Variants in NTNG1 observed in about 807,000 individuals in gnomAD.
The protein encoded by NTNG1 is netrin G1.
NTNG1 carries 16 observed loss-of-function variants against 54.0 expected under a neutral mutation model. That is an observed-to-expected ratio of 0.30 (90% CI 0.20 to 0.45). The LOEUF (loss-of-function observed/expected upper bound fraction) is 0.45. Among genes scored for constraint, NTNG1 ranks in the 20% least tolerant of loss-of-function variants. The probability of loss-of-function intolerance (pLI) is 1.00; values close to 1 mark genes in which losing one functional copy is unlikely to be tolerated. For synonymous variants in NTNG1, 255 were observed against 263.1 expected (o/e 0.97, Z 0.30); for missense variants, 530 against 678.7 (o/e 0.78, Z 2.43).
chr1:107,424,028 A>G (rs182257641), intron 5 of NTNG1, among the ~76,000 whole-genome samples: 179 of 152,294 alleles, frequency 1.2e-3, no homozygotes, highest in Admixed American at 2.5e-3. Flanking sequence ...CACAAAACAG[A>G]CACAGTCTGC....
At chr1:107,476,130 T>C (rs934603767) in intron 7 of NTNG1, among the ~76,000 whole-genome samples, 20 of 152,228 alleles carry the variant, frequency 1.3e-4, no homozygotes, top group Admixed American at 1.2e-3. Context: ...TGTCGATTCA[T>C]AGATACAGTC....
At chr1:107,394,058 ATC>A (rs574776202) in intron 3 of NTNG1, among the ~76,000 whole-genome samples, 11 of 149,450 alleles carry the variant, frequency 7.4e-5, no homozygotes, top group Admixed American at 6.7e-5. Context: ...CACACTGTCA[ATC>A]TCTCTCTCTC....
At chr1:107,387,872 T>G (rs941987038) in intron 3 of NTNG1, among the ~76,000 whole-genome samples, 2 of 152,218 alleles carry the variant, frequency 1.3e-5, no homozygotes, top group Non-Finnish European at 1.5e-5. Context: ...TTGTTGGCCC[T>G]CTTTTTTCCA....
intron 1 of NTNG1, among the ~76,000 whole-genome samples, chr1:107,144,083 A>G (rs1214217010): frequency 6.6e-6 from 1 of 152,122 alleles, no homozygotes; most frequent in East Asian, 1.9e-4. Flanking sequence ...ATAGAAGCAT[A>G]TGTTTTCCAT....
At chr1:107,440,043 C>A (rs1290365227) in intron 7 of NTNG1, among the ~76,000 whole-genome samples, 2 of 151,742 alleles carry the variant, frequency 1.3e-5, no homozygotes, top group Non-Finnish European at 2.9e-5. Context: ...GAGCTATTAA[C>A]CTGGCAACAC....
chr1:107,266,226 GA>G, intron 2 of NTNG1, among the ~76,000 whole-genome samples: 1 of 152,138 alleles, frequency 6.6e-6, no homozygotes, highest in Non-Finnish European at 1.5e-5. Context: ...CTTATATGAG[GA>G]AAATGTGCTG....
At chr1:107,390,520 A>G (rs1672295646) in intron 3 of NTNG1, among the ~76,000 whole-genome samples, 1 of 152,194 alleles carries the variant, frequency 6.6e-6, no homozygotes, top group South Asian at 2.1e-4. Context: ...GATATCTCAC[A>G]AATTTCATAG....
intron 2 of NTNG1, among the ~76,000 whole-genome samples, chr1:107,199,636 A>T (rs1658586098): frequency 6.6e-6 from 1 of 151,942 alleles, no homozygotes; most frequent in Non-Finnish European, 1.5e-5. Flanking sequence ...AAATTACCAG[A>T]GGACACAGAT....
chr1:107,426,606 C>A (rs145318401), intron 5 of NTNG1, among the ~76,000 whole-genome samples: 2 of 152,110 alleles, frequency 1.3e-5, no homozygotes, highest in African/African-American at 4.8e-5. Flanking sequence ...AAATGTGATG[C>A]CTCTGGATTG....
At position 107,395,181 on chromosome 1, in the gene NTNG1, A is replaced by G. The variant is rs905666448; in HGVS notation, c.915A>G (p.Val305=). 9 of 1,613,252 alleles carry G rather than the reference A, an allele frequency of 5.6e-6. No individual in the cohort carries two copies. The highest frequency in any genetic ancestry group is 7.6e-6 in the Non-Finnish European group (9 of 1,179,496). Residue 305 remains valine, a synonymous_variant, in exon 4 of 8, where the codon GTA becomes GTG. Transcript: ENST00000370068. The part of the protein sequence containing the change: ...GRCKCNLHAT[V]CVYDNSKLTC... Reference sequence around the variant, plus strand: ...GCAAGTGTAATCTCCATGCCACTGTATGTGTGTATGACAACAGCAAATTGA... The same window carrying G: ...GCAAGTGTAATCTCCATGCCACTGTGTGTGTGTATGACAACAGCAAATTGA...
rs72987560 is a variant in NTNG1 at position 107,424,587 on chromosome 1, T to C, written c.1088-6163T>C. 5.3e-3 allele frequency among the ~76,000 whole-genome samples: 811 copies of C among 152,104 alleles called. 3 individuals are homozygous for C. The highest frequency in any genetic ancestry group is 0.019 in the African/African-American group (768 of 41,502). On this transcript the variant is annotated intron_variant, in intron 5 of 7. Coordinates refer to ENST00000370068, the MANE Select transcript of NTNG1 (RefSeq NM_001113226.3). ...TCCAAGTAAGGGCTGATGATGCGTCTGAGGAAAAGGTGGTAGAGATGGTGA... is the reference window on the plus strand; with the variant it reads ...TCCAAGTAAGGGCTGATGATGCGTCCGAGGAAAAGGTGGTAGAGATGGTGA...
At chr1:107,436,891 A>G in intron 7 of NTNG1, 92 bp downstream of exon 7, 1 of 1,219,334 alleles carries the variant, frequency 8.2e-7, no homozygotes, top group East Asian at 2.4e-5. Flanking sequence ...AGAGCAGAAA[A>G]AGATCCAAAC....
chr1:107,224,940 A>C (rs1027175615), intron 2 of NTNG1, among the ~76,000 whole-genome samples: 6 of 152,130 alleles, frequency 3.9e-5, no homozygotes, highest in Admixed American at 1.3e-4. Flanking sequence ...TGTTGTATAA[A>C]AGTCACTTCC....
At chr1:107,154,620 A>AC (rs1654834223) in intron 2 of NTNG1, among the ~76,000 whole-genome samples, 1 of 147,650 alleles carries the variant, frequency 6.8e-6, no homozygotes, top group African/African-American at 2.6e-5. Flanking sequence ...AAAAAAAAAA[A>AC]AAAACTGGGT....
chr1:107,201,797 T>C (rs776990402), intron 2 of NTNG1, among the ~76,000 whole-genome samples: 4 of 151,924 alleles, frequency 2.6e-5, no homozygotes, highest in Admixed American at 1.3e-4. Flanking sequence ...TTCAGGCACA[T>C]TAAATAATGC....
intron 2 of NTNG1, among the ~76,000 whole-genome samples, chr1:107,222,984 ACT>A (rs1355555579): frequency 6.6e-6 from 1 of 151,590 alleles, no homozygotes; most frequent in Non-Finnish European, 1.5e-5. Context: ...AAGAAGGGGG[ACT>A]TTTTTGAGCC....
chr1:107,345,385 G>T (rs145251492), intron 3 of NTNG1, among the ~76,000 whole-genome samples: 3 of 152,272 alleles, frequency 2.0e-5, no homozygotes, highest in South Asian at 4.1e-4. Context: ...GAGCCCAAAG[G>T]GTTATTTTCA....
At chr1:107,384,434 G>GCT (rs537043470) in intron 3 of NTNG1, among the ~76,000 whole-genome samples, 3 of 151,344 alleles carry the variant, frequency 2.0e-5, no homozygotes, top group South Asian at 2.1e-4. Context: ...CAAGCCAATT[G>GCT]CTCTCTCTCT....
At chr1:107,242,560 C>T (rs1431524745) in intron 2 of NTNG1, among the ~76,000 whole-genome samples, 1 of 152,146 alleles carries the variant, frequency 6.6e-6, no homozygotes, top group Non-Finnish European at 1.5e-5. Flanking sequence ...TTAGGTAAAA[C>T]AGCAAACCAG....
Sources: allele counts gnomAD v4.1 joint callset (sites outside exome capture counted in the v4.1 genomes callset), GRCh38; gene constraint gnomAD v4.1.1; transcripts MANE v1.5; gene names NCBI Gene and HGNC (gene_info 2026-07-23, HGNC 2026-07-21).